Variants in SLC44A5 observed in about 807,000 individuals in gnomAD.
SLC44A5 encodes the protein solute carrier family 44 member 5.
SLC44A5 carries 57 observed loss-of-function variants against 101.8 expected under a neutral mutation model. The ratio of observed to expected loss-of-function variants is 0.56; its 90% confidence interval spans 0.45 to 0.70. The LOEUF (loss-of-function observed/expected upper bound fraction) is 0.70. Ranked by LOEUF, SLC44A5 falls within the 30% of genes least tolerant of loss-of-function variation. The probability of loss-of-function intolerance (pLI) is 0.00; values close to 1 mark genes in which losing one functional copy is unlikely to be tolerated. For synonymous variants in SLC44A5, 281 were observed against 290.9 expected (o/e 0.97, Z 0.35); for missense variants, 737 against 853.1 (o/e 0.86, Z 1.70).
At chr1:75,227,594 T>C (rs1647235822) in intron 13 of SLC44A5, 132 bp downstream of exon 13, 6 of 631,012 alleles carry the variant, frequency 9.5e-6, no homozygotes, top group African/African-American at 1.9e-5. Context: ...TAGAGGATTA[T>C]AGACACATTA....
chr1:75,491,080 C>A (rs924456093), intron 2 of SLC44A5, among the ~76,000 whole-genome samples: 1 of 152,156 alleles, frequency 6.6e-6, no homozygotes, highest in South Asian at 2.1e-4. Context: ...TCAAAGCCAT[C>A]GTAGTAACCC....
At chr1:75,655,762 TCTGAG>T in the SLC44A5 span, among the ~76,000 whole-genome samples, 1 of 152,122 alleles carries the variant, frequency 6.6e-6, no homozygotes, top group African/African-American at 2.4e-5. Context: ...AGCCCCTGAT[TCTGAG>T]CCACTGTTCC....
the SLC44A5 span, among the ~76,000 whole-genome samples, chr1:75,646,983 A>G: frequency 1.3e-5 from 2 of 152,252 alleles, no homozygotes; most frequent in African/African-American, 4.8e-5. Flanking sequence ...AGACATTTGC[A>G]TAAGTAATGA....
intron 4 of SLC44A5, among the ~76,000 whole-genome samples, chr1:75,309,543 C>T (rs1557648351): frequency 6.6e-6 from 1 of 152,154 alleles, no homozygotes; most frequent in Non-Finnish European, 1.5e-5. Flanking sequence ...CAAAGAAAAG[C>T]AGTAAATACA....
the SLC44A5 span, among the ~76,000 whole-genome samples, chr1:75,654,362 C>G: frequency 6.6e-6 from 1 of 152,156 alleles, no homozygotes; most frequent in African/African-American, 2.4e-5. Context: ...GAAGAAAGCA[C>G]ATTCTAAATT....
chr1:75,570,933 G>A (rs1275554365), intron 1 of SLC44A5, among the ~76,000 whole-genome samples: 12 of 152,192 alleles, frequency 7.9e-5, no homozygotes, highest in Admixed American at 7.9e-4. Flanking sequence ...GCAAAAGGCA[G>A]AGGATGCCGG....
the SLC44A5 span, among the ~76,000 whole-genome samples, chr1:75,639,184 T>A: frequency 6.6e-6 from 1 of 152,102 alleles, no homozygotes; most frequent in Non-Finnish European, 1.5e-5. Flanking sequence ...TGAAAAATGC[T>A]AAGATAGTGG....
rs72986737 is a variant in SLC44A5 at position 75,422,187 on chromosome 1, C to T, written c.14-25566G>A. 6.1e-3 allele frequency among the ~76,000 whole-genome samples: 931 copies of T among 152,206 alleles called. 10 individuals carry two copies. Among genetic ancestry groups the T allele is most frequent in the African/African-American group, 0.021 (889 of 41,524 alleles). ...AAGGCACACATGGAAAAGCAAACGC[C>T]CTTTCTGGAGTGAATACTAATGAGC... On this transcript the variant is annotated intron_variant, in intron 2 of 23. Coordinates refer to ENST00000370859, the MANE Select transcript of SLC44A5 (RefSeq NM_001130058.2).
the SLC44A5 span, among the ~76,000 whole-genome samples, chr1:75,713,546 A>C: frequency 1.3e-5 from 2 of 152,306 alleles, no homozygotes; most frequent in African/African-American, 4.8e-5. Flanking sequence ...CAATTATATC[A>C]TATGCCCATG....
intron 1 of SLC44A5, among the ~76,000 whole-genome samples, chr1:75,570,347 C>G (rs1366426972): frequency 6.6e-6 from 1 of 152,152 alleles, no homozygotes; most frequent in Non-Finnish European, 1.5e-5. Flanking sequence ...AGATTTATGA[C>G]TGAGAAGTGA....
At chr1:75,246,463 G>A (rs189530690) in intron 7 of SLC44A5, among the ~76,000 whole-genome samples, 44 of 152,104 alleles carry the variant, frequency 2.9e-4, no homozygotes, top group African/African-American at 1.0e-3. Context: ...CCTGTTCCAG[G>A]CACTGAGGAC....
In SLC44A5 at chr1:75,222,390, G is replaced by A. The variant is rs765551585; in HGVS notation, c.1056C>T (p.Val352=). ...TTCCTTCCTTCAGCAGGATAATGGCGACTCGGATTCGATTCCTGAGGAAGA... is the reference window on the plus strand; with the variant it reads ...TTCCTTCCTTCAGCAGGATAATGGCAACTCGGATTCGATTCCTGAGGAAGA... ...MLIFLRNRIR[V]AIILLKEGSK... is the part of the protein sequence containing the mutation. The change falls in exon 14 of 24, where the codon GTC becomes GTT. Residue 352 remains valine, a synonymous_variant. Coordinates refer to ENST00000370859, the MANE Select transcript of SLC44A5 (RefSeq NM_001130058.2). 6.8e-6 allele frequency: 11 copies of A among 1,613,394 alleles called. No individual in the cohort carries two copies. Among genetic ancestry groups the A allele is most frequent in the African/African-American group, 6.7e-5 (5 of 74,848 alleles).
the SLC44A5 span, among the ~76,000 whole-genome samples, chr1:75,659,579 C>A: frequency 7.8e-6 from 1 of 128,996 alleles, no homozygotes; most frequent in Non-Finnish European, 1.6e-5. Context: ...TGCTTGAGCC[C>A]AGGAGTTGGA....
the SLC44A5 span, among the ~76,000 whole-genome samples, chr1:75,695,646 T>G: frequency 2.7e-5 from 4 of 150,502 alleles, no homozygotes; most frequent in African/African-American, 9.7e-5. Context: ...ACAAATAAGG[T>G]ATGTTGTCAG....
At chr1:75,417,434 G>A (rs557553265) in intron 2 of SLC44A5, among the ~76,000 whole-genome samples, 1 of 152,320 alleles carries the variant, frequency 6.6e-6, no homozygotes, top group South Asian at 2.1e-4. Flanking sequence ...TCAGCAGTGT[G>A]AAAACAGACT....
chr1:75,629,311 T>C, the SLC44A5 span, among the ~76,000 whole-genome samples: 1 of 152,036 alleles, frequency 6.6e-6, no homozygotes, highest in African/African-American at 2.4e-5. Context: ...GCTAATGACA[T>C]TGAAATAGAG....
chr1:75,295,155 T>C (rs1233200335), intron 5 of SLC44A5, among the ~76,000 whole-genome samples: 2 of 152,210 alleles, frequency 1.3e-5, no homozygotes, highest in Non-Finnish European at 2.9e-5. Context: ...CTTAAATATA[T>C]ACTTTTTAAA....
At chr1:75,613,329 G>A (rs994295117), upstream of SLC44A5, among the ~76,000 whole-genome samples, 3 of 152,208 alleles carry the variant, frequency 2.0e-5, no homozygotes, top group Admixed American at 2.0e-4. Flanking sequence ...CAGTTTAGTT[G>A]GTTGTAGCTT....
chr1:75,206,565 A>C (rs555219184), intron 23 of SLC44A5: 1 of 1,275,494 alleles, frequency 7.8e-7, no homozygotes, highest in Non-Finnish European at 1.1e-6. Context: ...CCTAATTTAC[A>C]CAACTTCTAC....
Sources: gnomAD v4.1 joint callset for allele counts (sites outside exome capture counted in the v4.1 genomes callset) on GRCh38, gnomAD v4.1.1 for gene constraint, MANE v1.5 for transcripts, NCBI Gene and HGNC (gene_info 2026-07-23, HGNC 2026-07-21) for gene names.